DENND1A: variants seen among roughly 807,000 people sequenced by gnomAD.
DENND1A encodes the protein DENN domain-containing protein 1A.
DENND1A carries 51 observed loss-of-function variants against 113.7 expected under a neutral mutation model. That is an observed-to-expected ratio of 0.45 (90% confidence interval 0.36 to 0.57). The LOEUF (loss-of-function observed/expected upper bound fraction) is 0.57. DENND1A is among the 20% of genes least tolerant of loss of function. The probability of loss-of-function intolerance (pLI) is 0.00; values close to 1 mark genes in which losing one functional copy is unlikely to be tolerated. For missense variants in DENND1A, 1,258 were observed against 1,395.9 expected (o/e 0.90, Z 1.57); for synonymous variants, 565 against 570.8 (o/e 0.99, Z 0.14).
intron 5 of DENND1A, among the ~76,000 whole-genome samples, chr9:123,714,709 G>A (rs16926767): frequency 0.11 from 16,591 of 152,132 alleles, 1,237 homozygotes; most frequent in African/African-American, 0.2. Flanking sequence ...ATACATTCAC[G>A]TGCCTTTAAA....
At chr9:123,701,222 G>A (rs115369564) in intron 5 of DENND1A, among the ~76,000 whole-genome samples, 11 of 152,236 alleles carry the variant, frequency 7.2e-5, no homozygotes, top group African/African-American at 2.6e-4. Context: ...GAACTCTCCA[G>A]GGATTATCCC....
At chr9:123,399,938 G>A (rs2043340089) in intron 21 of DENND1A, among the ~76,000 whole-genome samples, 1 of 152,224 alleles carries the variant, frequency 6.6e-6, no homozygotes, top group Admixed American at 6.5e-5. Flanking sequence ...GCTAGCCCAA[G>A]AGGGCCTAGA....
At chr9:123,396,083 G>A (rs933241743) in intron 21 of DENND1A, among the ~76,000 whole-genome samples, 1 of 152,190 alleles carries the variant, frequency 6.6e-6, no homozygotes, top group African/African-American at 2.4e-5. Context: ...GCGTGGGAGG[G>A]AGGAGAGTGG....
intron 5 of DENND1A, among the ~76,000 whole-genome samples, chr9:123,680,882 C>T (rs934425747): frequency 3.3e-5 from 5 of 152,180 alleles, no homozygotes; most frequent in African/African-American, 1.2e-4. Flanking sequence ...GTGGGAGAGG[C>T]TGACCAAGTC....
At chr9:123,786,686 G>A (rs771564880) in intron 3 of DENND1A, among the ~76,000 whole-genome samples, 2 of 152,176 alleles carry the variant, frequency 1.3e-5, no homozygotes, top group African/African-American at 2.4e-5. Flanking sequence ...ATCATCACTT[G>A]TAACCATAAG....
chr9:123,726,965 T>G (rs2067752955), intron 5 of DENND1A, among the ~76,000 whole-genome samples: 1 of 152,190 alleles, frequency 6.6e-6, no homozygotes, highest in Non-Finnish European at 1.5e-5. Context: ...AGGGCTTATG[T>G]TCAAGTCATG....
intron 5 of DENND1A, among the ~76,000 whole-genome samples, chr9:123,694,398 C>G (rs951976291): frequency 7.2e-5 from 11 of 152,142 alleles, no homozygotes; most frequent in African/African-American, 2.4e-4. Context: ...GGGAGATCAG[C>G]CAGTTGCTCT....
chr9:123,901,463 T>C (rs1447424692), intron 1 of DENND1A, among the ~76,000 whole-genome samples: 2 of 152,198 alleles, frequency 1.3e-5, no homozygotes, highest in Non-Finnish European at 2.9e-5. Context: ...ACTATAACTT[T>C]AGTTTCCACT....
At chr9:123,737,630 T>C (rs543696254) in intron 5 of DENND1A, among the ~76,000 whole-genome samples, 6 of 152,320 alleles carry the variant, frequency 3.9e-5, no homozygotes, top group African/African-American at 1.4e-4. Flanking sequence ...AAGAGTATTA[T>C]GTGGCAAAAG....
chr9:123,423,827 G>C (rs2045505737), intron 19 of DENND1A, among the ~76,000 whole-genome samples: 2 of 152,176 alleles, frequency 1.3e-5, no homozygotes, highest in Non-Finnish European at 2.9e-5. Flanking sequence ...GTTCTTGCAA[G>C]TTTGCAACAA....
At chr9:123,558,816 G>A (rs374329446) in intron 12 of DENND1A, among the ~76,000 whole-genome samples, 5 of 152,194 alleles carry the variant, frequency 3.3e-5, no homozygotes, top group Non-Finnish European at 5.9e-5. Context: ...GGAATTGTGC[G>A]ACGTGGTGAC....
intron 18 of DENND1A, among the ~76,000 whole-genome samples, chr9:123,444,181 T>C (rs1160722582): frequency 6.6e-6 from 1 of 152,176 alleles, no homozygotes; most frequent in Non-Finnish European, 1.5e-5. Flanking sequence ...ACCTAAAAGA[T>C]GTATATGCCC....
intron 3 of DENND1A, among the ~76,000 whole-genome samples, chr9:123,781,016 A>C (rs368471175): frequency 2.6e-5 from 4 of 152,318 alleles, no homozygotes; most frequent in African/African-American, 9.6e-5. Context: ...CCTCTCTACT[A>C]AAGGATGGAG....
intron 19 of DENND1A, among the ~76,000 whole-genome samples, chr9:123,433,575 T>C (rs1003198595): frequency 6.6e-6 from 1 of 152,186 alleles, no homozygotes; most frequent in African/African-American, 2.4e-5. Flanking sequence ...CATATTAACA[T>C]TAATCCCACA....
intron 20 of DENND1A, among the ~76,000 whole-genome samples, chr9:123,407,576 C>T (rs1401655222): frequency 6.6e-6 from 1 of 152,204 alleles, no homozygotes; most frequent in East Asian, 1.9e-4. Context: ...TCAGCGATCA[C>T]ACCCATGTTT....
intron 11 of DENND1A, among the ~76,000 whole-genome samples, chr9:123,597,540 CA>C (rs1035402597): frequency 3.9e-5 from 6 of 152,164 alleles, no homozygotes; most frequent in African/African-American, 1.4e-4. Flanking sequence ...TAAAAGCACC[CA>C]AAAGGTCTGC....
At chr9:123,631,742 C>T (rs1393263503) in intron 9 of DENND1A, among the ~76,000 whole-genome samples, 3 of 152,144 alleles carry the variant, frequency 2.0e-5, no homozygotes, top group Non-Finnish European at 4.4e-5. Context: ...TTTGACTTGC[C>T]CCTATTTTGT....
chr9:123,906,125 T>A (rs1463446099), intron 1 of DENND1A, among the ~76,000 whole-genome samples: 1 of 151,800 alleles, frequency 6.6e-6, no homozygotes, highest in Non-Finnish European at 1.5e-5. Context: ...CATAACGCAA[T>A]GAAGGCAGAA....
intron 1 of DENND1A, among the ~76,000 whole-genome samples, chr9:123,885,973 TCAC>T (rs1849016580): frequency 6.6e-6 from 1 of 152,156 alleles, no homozygotes; most frequent in African/African-American, 2.4e-5. Context: ...AGATGGGGTT[TCAC>T]CATGTTGCCC....
Sources: allele counts gnomAD v4.1 joint callset (sites outside exome capture counted in the v4.1 genomes callset), GRCh38; gene constraint gnomAD v4.1.1; transcripts MANE v1.5; gene names NCBI Gene and HGNC (gene_info 2026-07-23, HGNC 2026-07-21).